The following ZNF423 variants were observed in gnomAD, a reference collection of about 807,000 sequenced individuals.
ZNF423 encodes the protein Ebf-associated zinc finger protein.
A neutral mutation model predicts 95.8 loss-of-function variants in ZNF423; 12 were observed. The observed-to-expected ratio is 0.13, with a 90% CI of 0.08 to 0.20. The LOEUF is 0.20. ZNF423 is among the 10% of genes least tolerant of loss of function. The pLI is 1.00. For synonymous variants in ZNF423, 749 were observed against 711.9 expected (o/e 1.05, Z -0.83); for missense variants, 1,316 against 1,737.1 (o/e 0.76, Z 4.31).
intron 5 of ZNF423, among the ~76,000 whole-genome samples, chr16:49,549,371 G>T (rs144858802): frequency 0.012 from 1,878 of 152,310 alleles, 17 homozygotes; most frequent in Middle Eastern, 0.024. Flanking sequence ...CCGGCCTCCA[G>T]CCAGATGGCA....
chr16:49,637,718 A>G lies in ZNF423; in HGVS notation c.1458T>C (p.Ser486=). ...AYPVMQFGNI[S]AFHCNYCPEM... is the part of the protein sequence containing the mutation. ...CGGGGCAGTAGTTGCAGTGGAAGGC[A>G]GAGATGTTGCCAAACTGCATCACAG... Residue 486 remains serine, a synonymous_variant, in exon 4 of 8, where the codon TCT becomes TCC. Coordinates refer to ENST00000563137, the MANE Select transcript of ZNF423 (RefSeq NM_001379286.1). This position sits in a 1 kb window ranked among gnomAD's most constrained non-coding sequence, Gnocchi z 5.6. 3 of 1,614,162 alleles carry G rather than the reference A, an allele frequency of 1.9e-6. No homozygotes were observed. The highest frequency in any genetic ancestry group is 2.5e-6 in the Non-Finnish European group (3 of 1,180,038).
chr16:49,533,446 T>C (rs896967123), intron 5 of ZNF423, among the ~76,000 whole-genome samples: 1 of 152,160 alleles, frequency 6.6e-6, no homozygotes, highest in Non-Finnish European at 1.5e-5. Context: ...TCTCCTAAGT[T>C]ATAAGTACTT....
chr16:49,810,318 C>G (rs2034731580), intron 1 of ZNF423, among the ~76,000 whole-genome samples: 1 of 152,194 alleles, frequency 6.6e-6, no homozygotes, highest in Non-Finnish European at 1.5e-5. Context: ...CACCCACCTG[C>G]TCCCTTCCAG....
At chr16:49,736,253 C>A (rs1275390324) in intron 2 of ZNF423, among the ~76,000 whole-genome samples, 1 of 152,152 alleles carries the variant, frequency 6.6e-6, no homozygotes, top group Non-Finnish European at 1.5e-5. Context: ...TATAAAGGTG[C>A]CATTTTTTAG....
At chr16:49,611,641 A>C (rs1971725927) in intron 5 of ZNF423, among the ~76,000 whole-genome samples, 1 of 152,030 alleles carries the variant, frequency 6.6e-6, no homozygotes, top group Non-Finnish European at 1.5e-5. Flanking sequence ...AATAAGGAAA[A>C]GATCAGAAAC....
rs149203945 is a variant in ZNF423, at chr16:49,700,510, G to A, written c.301+30261C>T. 6.2e-3 allele frequency among the ~76,000 whole-genome samples: 937 copies of A among 152,288 alleles called. 12 individuals carry two copies. The highest frequency in any genetic ancestry group is 0.021 in the African/African-American group (868 of 41,560). On this transcript the variant is annotated intron_variant, in intron 3 of 7. Coordinates refer to ENST00000563137, the MANE Select transcript of ZNF423 (RefSeq NM_001379286.1). ...AGGGGCAGCTGGAATACAGGGGGCCGTTCCTTTCCTGATGGAACATCCAGG... is the reference window on the plus strand; with the variant it reads ...AGGGGCAGCTGGAATACAGGGGGCCATTCCTTTCCTGATGGAACATCCAGG...
At chr16:49,663,518 G>C (rs564230130) in intron 3 of ZNF423, among the ~76,000 whole-genome samples, 1 of 151,026 alleles carries the variant, frequency 6.6e-6, no homozygotes, top group Admixed American at 6.6e-5. Flanking sequence ...ACCAGTGCCC[G>C]GGATGGGATG....
At chr16:49,518,469 C>T (rs1427155392) in intron 7 of ZNF423, 12 of 435,266 alleles carry the variant, frequency 2.8e-5, no homozygotes, top group South Asian at 8.3e-5. Flanking sequence ...AATAACTGTG[C>T]GCACTGTCTG....
At chr16:49,765,374 G>A (rs537366522) in intron 2 of ZNF423, among the ~76,000 whole-genome samples, 35 of 152,168 alleles carry the variant, frequency 2.3e-4, no homozygotes, top group Admixed American at 2.1e-3. Flanking sequence ...ACACATAAAT[G>A]GTTAAAATGA....
chr16:49,787,987 A>G (rs1296619250), intron 2 of ZNF423, among the ~76,000 whole-genome samples: 1 of 152,156 alleles, frequency 6.6e-6, no homozygotes, highest in Admixed American at 6.5e-5. Flanking sequence ...TCCGCCAACC[A>G]TGGGGAACGC....
Position 49,557,350 on chromosome 16 carries a change from C to T in ZNF423, c.3602-31856G>A, listed in dbSNP as rs369466811. 1.3e-4 allele frequency among the ~76,000 whole-genome samples: 20 copies of T among 152,298 alleles called. 1 individual carries two copies. In the South Asian group the frequency reaches 2.1e-3, roughly 16 times the overall value. ...GCAGCCCCTGCCCGCTCCTCCTCCC[C>T]GGGTTGGCTGTCTTGGCTGAACAAA... On this transcript the variant is annotated intron_variant, in intron 5 of 7. Transcript: ENST00000563137.
At chr16:49,606,573 G>C (rs1280798568) in intron 5 of ZNF423, among the ~76,000 whole-genome samples, 2 of 152,204 alleles carry the variant, frequency 1.3e-5, no homozygotes, top group African/African-American at 4.8e-5. Context: ...AGGGGGCTCA[G>C]GTCCCAGAGG....
At chr16:49,774,024 C>G (rs1330618550) in intron 2 of ZNF423, among the ~76,000 whole-genome samples, 2 of 152,202 alleles carry the variant, frequency 1.3e-5, no homozygotes, top group East Asian at 3.9e-4. Flanking sequence ...CAGGAGCCTA[C>G]AACAGTCAGC....
intron 5 of ZNF423, among the ~76,000 whole-genome samples, chr16:49,586,509 G>A (rs1484734205): frequency 6.6e-6 from 1 of 152,206 alleles, no homozygotes; most frequent in African/African-American, 2.4e-5. Context: ...CCTCTTGCAT[G>A]CCAGCACACC....
chr16:49,674,293 C>T (rs2151928775), intron 3 of ZNF423, among the ~76,000 whole-genome samples: 1 of 152,242 alleles, frequency 6.6e-6, no homozygotes, highest in African/African-American at 2.4e-5. Flanking sequence ...GTAACCTCTC[C>T]TAAAGCAAGT....
intron 3 of ZNF423, among the ~76,000 whole-genome samples, chr16:49,725,858 C>T (rs945961400): frequency 1.3e-5 from 2 of 152,330 alleles, no homozygotes; most frequent in East Asian, 3.9e-4. Flanking sequence ...GCTTCAGAGC[C>T]ACCTCTCTAG....
chr16:49,560,324 G>T (rs998837160), intron 5 of ZNF423, among the ~76,000 whole-genome samples: 2 of 152,290 alleles, frequency 1.3e-5, no homozygotes, highest in Non-Finnish European at 2.9e-5. Context: ...GCCCCAAGTG[G>T]CTCTCCCAGT....
At chr16:49,756,466 G>A (rs757666971) in intron 2 of ZNF423, among the ~76,000 whole-genome samples, 19 of 152,128 alleles carry the variant, frequency 1.2e-4, no homozygotes, top group Admixed American at 8.5e-4. Flanking sequence ...GCCAGTCCCC[G>A]CCACACTGAT....
chr16:49,840,704 C>T (rs910658134), intron 1 of ZNF423, among the ~76,000 whole-genome samples: 20 of 152,150 alleles, frequency 1.3e-4, no homozygotes, highest in South Asian at 2.1e-4. Context: ...TACACACTCT[C>T]GCATGCATCC....
Sources: allele counts gnomAD v4.1 joint callset (sites outside exome capture counted in the v4.1 genomes callset), GRCh38; gene constraint gnomAD v4.1.1; non-coding constraint Gnocchi (gnomAD v3.1); transcripts MANE v1.5; gene names NCBI Gene and HGNC (gene_info 2026-07-23, HGNC 2026-07-21).